PPFIA3: variants seen among roughly 807,000 people sequenced by gnomAD.
PPFIA3 encodes PPFI scaffold protein A3.
Under a neutral mutation model 145.8 loss-of-function variants are expected in PPFIA3, and 26 were observed. That is an observed-to-expected ratio of 0.18 (90% CI 0.13 to 0.25). The LOEUF is 0.25. Among genes scored for constraint, PPFIA3 ranks in the 10% least tolerant of loss-of-function variants. The probability of loss-of-function intolerance (pLI) is 1.00; values close to 1 mark genes in which losing one functional copy is unlikely to be tolerated. For synonymous variants in PPFIA3, 645 were observed against 661.4 expected (o/e 0.98, Z 0.38); for missense variants, 1,008 against 1,587.8 (o/e 0.63, Z 6.21).
chr19:49,128,164 G>A lies in PPFIA3; in HGVS notation c.240+51G>A, dbSNP rs1039425609. 2.6e-5 allele frequency: 39 copies of A among 1,474,932 alleles called. No individual in the cohort carries two copies. The highest frequency in any genetic ancestry group is 3.2e-5 in the Non-Finnish European group (36 of 1,115,178). The allele number at this position is 1,474,932 out of a possible 1,614,324, so 91.4% of individuals were successfully genotyped here. ...TGAGGGGGCGGGGCCTCGGGGGGAA[G>A]AAGGCGGTCCGGAAGGGGCCGGGCT... On this transcript the variant is annotated intron_variant, in intron 2 of 29. Coordinates refer to ENST00000334186, the MANE Select transcript of PPFIA3 (RefSeq NM_003660.4). The surrounding 1 kb of genome is among the most constrained non-coding windows in gnomAD (Gnocchi z 4.1).
At chr19:49,145,851 C>A in intron 21 of PPFIA3, 92 bp from the exon 22 acceptor site, 3 of 1,118,030 alleles carry the variant, frequency 2.7e-6, no homozygotes, top group Non-Finnish European at 2.7e-6. Flanking sequence ...GGGACATAAA[C>A]GTGTGGCCCA....
Position 49,133,225 on chromosome 19 carries a change from T to G in PPFIA3, c.1027-12T>G. The stretch of plus-strand genomic sequence containing the variant: ...CCAGCCCGTCCCCTCCCCCTGCCTC[T>G]CCCTCCCCCAGAGTGAAGAGAAGAG... On this transcript the variant is annotated splice_polypyrimidine_tract_variant and intron_variant, in intron 8 of 29. Transcript: ENST00000334186. The surrounding 1 kb of genome is among the most constrained non-coding windows in gnomAD (Gnocchi z 7.2). 1 of 1,592,954 alleles carries G rather than the reference T, an allele frequency of 6.3e-7. No homozygotes were observed. Among genetic ancestry groups the G allele is most frequent in the Non-Finnish European group, 8.6e-7 (1 of 1,167,696 alleles).
In PPFIA3 at chr19:49,149,923, T is replaced by C. The variant is rs952657121; in HGVS notation, c.3527-157T>C. 67 of 1,122,382 alleles carry C rather than the reference T, an allele frequency of 6.0e-5. 1 individual carries two copies. In the South Asian group the frequency reaches 9.6e-4, roughly 16 times the overall value. The allele number at this position is 1,122,382 out of a possible 1,614,324, so 69.5% of individuals were successfully genotyped here. On this transcript the variant is annotated intron_variant, in intron 28 of 29. Transcript: ENST00000334186. This position sits in a 1 kb window ranked among gnomAD's most constrained non-coding sequence, Gnocchi z 5.7. ...CCAGGGCGGGAGTGAACTCGCCCAATGCGAGTTTGAGTCCTTGGCTGCGGG... is the reference window on the plus strand; with the variant it reads ...CCAGGGCGGGAGTGAACTCGCCCAACGCGAGTTTGAGTCCTTGGCTGCGGG...
In PPFIA3 at chr19:49,129,019, G is replaced by C; in HGVS notation, c.507+7G>C. Reference sequence around the variant, plus strand: ...CAAGGCCCTGGATGAGAAGGTATGAGAATTAGAAGAGCAGGGGTGGAGAAT... The same window carrying C: ...CAAGGCCCTGGATGAGAAGGTATGACAATTAGAAGAGCAGGGGTGGAGAAT... On this transcript the variant is annotated splice_region_variant and intron_variant, in intron 4 of 29. Transcript: ENST00000334186. 1 of 1,579,746 alleles carries C rather than the reference G, an allele frequency of 6.3e-7. No individual in the cohort carries two copies. The highest frequency in any genetic ancestry group is 1.4e-5 in the African/African-American group (1 of 73,806).
Position 49,130,344 on chromosome 19 carries a change from T to A in PPFIA3, c.658-34T>A, listed in dbSNP as rs781536028. 6.8e-5 allele frequency: 105 copies of A among 1,542,802 alleles called. No individual in the cohort carries two copies. The highest frequency in any genetic ancestry group is 9.2e-5 in the Non-Finnish European group (105 of 1,136,246). On this transcript the variant is annotated intron_variant, in intron 6 of 29. Coordinates refer to ENST00000334186, the MANE Select transcript of PPFIA3 (RefSeq NM_003660.4). This position sits in a 1 kb window ranked among gnomAD's most constrained non-coding sequence, Gnocchi z 4.5. ...ATTTCCTCTGTGTCTCCGGAGACAC[T>A]CTGGGATCTTGTCCCCTCCTTCCCT...
intron 1 of PPFIA3, among the ~76,000 whole-genome samples, chr19:49,125,931 TTG>T (rs1491186639): frequency 2.0e-5 from 2 of 101,096 alleles, no homozygotes; most frequent in Non-Finnish European, 4.5e-5. Flanking sequence ...GGTATTTTTT[TTG>T]TTTTTTTTTG....
In PPFIA3 at chr19:49,130,965, G is replaced by T. The variant is rs1043417565; in HGVS notation, c.879+366G>T. On this transcript the variant is annotated intron_variant, in intron 7 of 29. Coordinates refer to ENST00000334186, the MANE Select transcript of PPFIA3 (RefSeq NM_003660.4). The surrounding 1 kb of genome is among the most constrained non-coding windows in gnomAD (Gnocchi z 4.5). ...CCACCTCTGCCTCCCGGGTTCAAGA[G>T]ATTCTCCTGCCTCAGCCTCCCAAGT... is the stretch of plus-strand genomic sequence containing the variant. 1.3e-5 allele frequency among the ~76,000 whole-genome samples: 2 copies of T among 150,968 alleles called. No homozygotes were observed. The highest frequency in any genetic ancestry group is 4.9e-5 in the African/African-American group (2 of 40,974).
At chr19:49,144,291 G>T (rs994747022) in intron 21 of PPFIA3, among the ~76,000 whole-genome samples, 4 of 152,166 alleles carry the variant, frequency 2.6e-5, no homozygotes, top group Non-Finnish European at 4.4e-5. Flanking sequence ...TTACAGGCGT[G>T]AGCCACCGTG....
At chr19:49,139,617 C>T (rs1270587895) in intron 16 of PPFIA3, 51 bp from the exon 17 acceptor site, 16 of 1,512,186 alleles carry the variant, frequency 1.1e-5, no homozygotes, top group Non-Finnish European at 1.4e-5. Context: ...ATAAGGAGCC[C>T]CCGACATGAC....
chr19:49,134,212 C>T (rs2041110133), intron 11 of PPFIA3, 47 bp downstream of exon 11: 4 of 1,552,196 alleles, frequency 2.6e-6, no homozygotes, highest in Non-Finnish European at 3.5e-6. Context: ...CCGGGACTAC[C>T]TCTTGCTGGA....
At chr19:49,143,132 C>T (rs2041243221) in intron 21 of PPFIA3, 128 bp downstream of exon 21, 2 of 1,076,584 alleles carry the variant, frequency 1.9e-6, no homozygotes, top group African/African-American at 1.6e-5. Context: ...CTTTTACCCC[C>T]CTCAGCCTCC....
rs1411981848 is a variant in PPFIA3, at chr19:49,142,571, T to TC, written c.2545-228dup. ...TCTCTTTCTCTCTCCCTCTCCCTCT[T>TC]CCCCCACCCGCCCCCCGCCCCCCGT... is the stretch of plus-strand genomic sequence containing the variant. On this transcript the variant is annotated intron_variant, in intron 20 of 29. Transcript: ENST00000334186. Among the ~76,000 whole-genome samples the TC allele has an allele frequency of 7.6e-3, 919 of 121,138 alleles. 3 individuals carry two copies. The highest frequency in any genetic ancestry group is 0.012 in the Non-Finnish European group (695 of 57,864). 79.5% of individuals were successfully genotyped at this position (121,138 alleles called of 152,430 possible).
Position 49,128,107 on chromosome 19 carries a change from G to A in PPFIA3, c.234G>A (p.Leu78=), listed in dbSNP as rs1161048196. The change falls in exon 2 of 30, where the codon CTG becomes CTA. Residue 78 remains leucine (L), a synonymous_variant. Transcript: ENST00000334186. This position sits in a 1 kb window ranked among gnomAD's most constrained non-coding sequence, Gnocchi z 4.1. ...DSLQRQLSIA[L]PQEFAALTKE... is the part of the protein sequence containing the mutation. The stretch of plus-strand genomic sequence containing the variant: ...TGCAGCGCCAGCTCAGCATCGCGCT[G>A]CCCCAGGTCTGGGCGGGACAGGGGC... 1.4e-6 allele frequency: 2 copies of A among 1,428,390 alleles called. No individual in the cohort carries two copies. The highest frequency in any genetic ancestry group is 2.4e-5 in the South Asian group (2 of 84,458). The allele number at this position is 1,428,390 out of a possible 1,614,324, so 88.5% of individuals were successfully genotyped here.
intron 5 of PPFIA3, 96 bp downstream of exon 5, chr19:49,129,550 T>A: frequency 7.5e-7 from 1 of 1,327,368 alleles, no homozygotes; most frequent in Non-Finnish European, 1.1e-6. Flanking sequence ...CCAGAGAGAA[T>A]CTATTGGGGC....
Position 49,150,935 on chromosome 19 carries a change from A to C in PPFIA3, c.*713A>C. The C allele has an allele frequency of 1.5e-5, 3 of 206,328 alleles. No homozygotes were observed. Among genetic ancestry groups the C allele is most frequent in the Non-Finnish European group, 1.9e-5 (2 of 103,572 alleles). 12.8% of individuals were successfully genotyped at this position (206,328 alleles called of 1,614,324 possible). A position where few individuals can be genotyped will look rare whatever the true frequency, so the allele number is the denominator to read the frequency against. On this transcript the variant is annotated 3_prime_UTR_variant, in exon 30 of 30. Coordinates refer to ENST00000334186, the MANE Select transcript of PPFIA3 (RefSeq NM_003660.4). ...GGCGACGTGGCGTGGGGGCAGGGGG[A>C]CGGTGGGGGAGCCCTCGCCCCCGAC...
At chr19:49,142,226 G>C (rs1018608661) in intron 20 of PPFIA3, 111 bp downstream of exon 20, 2 of 1,001,070 alleles carry the variant, frequency 2.0e-6, no homozygotes, top group Non-Finnish European at 2.9e-6. Flanking sequence ...CCAGAGGTGG[G>C]GGTGGCCATG....
intron 19 of PPFIA3, 31 bp downstream of exon 19, chr19:49,141,544 G>A: frequency 6.4e-7 from 1 of 1,570,682 alleles, no homozygotes; most frequent in Non-Finnish European, 8.8e-7. Context: ...GCGTGTGTGT[G>A]TGTATGTGAA....
In PPFIA3 at chr19:49,130,075, A is replaced by T. The variant is rs1432568547; in HGVS notation, c.657+8A>T. ...AAGGATGGGGATGGGCAGGTGAGACATGGAAGTCCCCTCTCCGTGAGCTCC... is the reference window on the plus strand; with the variant it reads ...AAGGATGGGGATGGGCAGGTGAGACTTGGAAGTCCCCTCTCCGTGAGCTCC... On this transcript the variant is annotated splice_region_variant and intron_variant, in intron 6 of 29. Coordinates refer to ENST00000334186, the MANE Select transcript of PPFIA3 (RefSeq NM_003660.4). The surrounding 1 kb of genome is among the most constrained non-coding windows in gnomAD (Gnocchi z 4.5). 6.2e-7 allele frequency: 1 copy of T among 1,607,888 alleles called. No homozygotes were observed. The highest frequency in any genetic ancestry group is 1.3e-5 in the African/African-American group (1 of 74,412).
At chr19:49,146,059 G>A in intron 22 of PPFIA3, 54 bp downstream of exon 22, 6 of 1,607,752 alleles carry the variant, frequency 3.7e-6, no homozygotes, top group Non-Finnish European at 5.1e-6. Flanking sequence ...CTTTGGGGGT[G>A]GGGGCGGGGA....
Sources: allele counts gnomAD v4.1 joint callset (sites outside exome capture counted in the v4.1 genomes callset), GRCh38; gene constraint gnomAD v4.1.1; non-coding constraint Gnocchi (gnomAD v3.1); transcripts MANE v1.5; gene names NCBI Gene and HGNC (gene_info 2026-07-23, HGNC 2026-07-21).